Variants in XXYLT1 observed in about 807,000 individuals in gnomAD.
The protein encoded by XXYLT1 is xyloside xylosyltransferase 1.
XXYLT1 carries 20 observed loss-of-function variants against 28.9 expected under a neutral mutation model. The observed-to-expected ratio is 0.69, with a 90% CI of 0.49 to 1.00. XXYLT1 has a LOEUF of 1.00. XXYLT1 is among the 50% of genes least tolerant of loss of function. The pLI is 0.00. For missense variants in XXYLT1, 542 were observed against 560.1 expected (o/e 0.97, Z 0.33); for synonymous variants, 257 against 253.8 (o/e 1.01, Z -0.12).
At chr3:195,087,170 C>T (rs563294474) in intron 3 of XXYLT1, 96 of 152,504 alleles carry the variant, frequency 6.3e-4, no homozygotes, top group Non-Finnish European at 1.2e-3. Context: ...GCAGCAAACC[C>T]GCCTTTCCTG....
At position 195,256,499 on chromosome 3, in the gene XXYLT1, C is replaced by T. The variant is rs1725484528; in HGVS notation, c.504+14056G>A. 3.0e-6 allele frequency: 3 copies of T among 985,268 alleles called. No homozygotes were observed. In the South Asian group the frequency reaches 1.4e-4, roughly 46 times the overall value. The allele number at this position is 985,268 out of a possible 1,614,324, so 61.0% of individuals were successfully genotyped here. A position where few individuals can be genotyped will look rare whatever the true frequency, so the allele number is the denominator to read the frequency against. On this transcript the variant is annotated intron_variant, in intron 1 of 3. Coordinates refer to ENST00000310380, the MANE Select transcript of XXYLT1 (RefSeq NM_152531.5). This position sits in a 1 kb window ranked among gnomAD's most constrained non-coding sequence, Gnocchi z 4.2. Reference sequence around the variant, plus strand: ...GACGGAAGGGAAGTCAGCACGGAAGCCTCACCTAGGGTCATTCCAGGGATT... The same window carrying T: ...GACGGAAGGGAAGTCAGCACGGAAGTCTCACCTAGGGTCATTCCAGGGATT...
intron 1 of XXYLT1, among the ~76,000 whole-genome samples, chr3:195,232,190 A>G (rs1577176611): frequency 6.6e-6 from 1 of 152,200 alleles, no homozygotes; most frequent in South Asian, 2.1e-4. Flanking sequence ...CACAGTAGCC[A>G]CTAATGATCC....
intron 3 of XXYLT1, among the ~76,000 whole-genome samples, chr3:195,112,488 G>A (rs1717788728): frequency 9.7e-6 from 1 of 103,080 alleles, no homozygotes; most frequent in Non-Finnish European, 2.0e-5. Context: ...ACACACGCAT[G>A]GACACATGCA....
chr3:195,185,629 A>G (rs1026585483), intron 2 of XXYLT1, among the ~76,000 whole-genome samples: 1 of 150,442 alleles, frequency 6.6e-6, no homozygotes, highest in Non-Finnish European at 1.5e-5. Flanking sequence ...ACATTATTTT[A>G]GACTCTGAGG....
chr3:195,271,038 C>G lies in XXYLT1; in HGVS notation c.21G>C (p.Gly7=), dbSNP rs1318511627. 1 of 1,452,380 alleles carries G rather than the reference C, an allele frequency of 6.9e-7. No individual in the cohort carries two copies. The highest frequency in any genetic ancestry group is 1.5e-5 in the African/African-American group (1 of 67,674). The allele number at this position is 1,452,380 out of a possible 1,614,324, so 90.0% of individuals were successfully genotyped here. The change falls in exon 1 of 4, where the codon GGG becomes GGC. Residue 7 remains glycine (G), a synonymous_variant. Coordinates refer to ENST00000310380, the MANE Select transcript of XXYLT1 (RefSeq NM_152531.5). ...GCGCCATGGCCCGAGCGCATGGGAG[C>G]CCGCCTCGGAGGAGGCCCATGCGCT... MGLLRG[G]LPCARAMARL...
At chr3:195,220,555 C>T (rs781112236) in intron 2 of XXYLT1, among the ~76,000 whole-genome samples, 3 of 152,178 alleles carry the variant, frequency 2.0e-5, no homozygotes, top group Admixed American at 6.5e-5. Flanking sequence ...CAGCTCTGTC[C>T]GATCCTGAGC....
chr3:195,244,940 T>C (rs1724954353), intron 1 of XXYLT1, among the ~76,000 whole-genome samples: 1 of 144,922 alleles, frequency 6.9e-6, no homozygotes, highest in South Asian at 2.2e-4. Context: ...CCAAGGTGGG[T>C]GGATCACCTG....
intron 2 of XXYLT1, among the ~76,000 whole-genome samples, chr3:195,165,480 C>T (rs1721073786): frequency 1.3e-5 from 2 of 152,144 alleles, no homozygotes; most frequent in African/African-American, 2.4e-5. Context: ...AAAGAATGGC[C>T]CCACATCATC....
At chr3:195,085,477 C>T (rs149487900) in intron 3 of XXYLT1, among the ~76,000 whole-genome samples, 2 of 152,332 alleles carry the variant, frequency 1.3e-5, no homozygotes, top group East Asian at 3.9e-4. Context: ...AGCATGCCAG[C>T]GCATTTCACC....
chr3:195,158,107 C>T (rs1005889060), intron 2 of XXYLT1, among the ~76,000 whole-genome samples: 4 of 152,136 alleles, frequency 2.6e-5, no homozygotes, highest in South Asian at 2.1e-4. Context: ...GAGGAAGGGC[C>T]GTGCATTTAG....
rs1714668969 is a variant in XXYLT1, at chr3:195,069,439, C to T, written c.*276G>A. The T allele has an allele frequency of 2.3e-6, 1 of 425,642 alleles. No homozygotes were observed. The highest frequency in any genetic ancestry group is 5.7e-5 in the South Asian group (1 of 17,502). 26.4% of individuals were successfully genotyped at this position (425,642 alleles called of 1,614,324 possible). On this transcript the variant is annotated 3_prime_UTR_variant, in exon 4 of 4. Coordinates refer to ENST00000310380, the MANE Select transcript of XXYLT1 (RefSeq NM_152531.5). Reference sequence around the variant, plus strand: ...GGGGACCCTTTCTCCCCTTCCTTCTCTTCAAGTGCTTGCTTCCCAGCCCAC... The same window carrying T: ...GGGGACCCTTTCTCCCCTTCCTTCTTTTCAAGTGCTTGCTTCCCAGCCCAC...
chr3:195,122,449 GTAC>G (rs568839123), intron 3 of XXYLT1, among the ~76,000 whole-genome samples: 9 of 152,278 alleles, frequency 5.9e-5, no homozygotes, highest in African/African-American at 2.2e-4. Flanking sequence ...GTACTGAGTA[GTAC>G]TACTTGGTAG....
intron 2 of XXYLT1, among the ~76,000 whole-genome samples, chr3:195,187,815 G>C (rs1722267276): frequency 6.6e-6 from 1 of 152,196 alleles, no homozygotes; most frequent in South Asian, 2.1e-4. Flanking sequence ...TAACAAAGTT[G>C]TGCATTTGTA....
intron 3 of XXYLT1, among the ~76,000 whole-genome samples, chr3:195,105,156 T>G (rs552330235): frequency 3.9e-5 from 6 of 152,210 alleles, no homozygotes; most frequent in Non-Finnish European, 8.8e-5. Flanking sequence ...ACAAGAATGA[T>G]AAAACCACAA....
chr3:195,124,044 T>A lies in XXYLT1; in HGVS notation c.785+32405A>T, dbSNP rs938553384. ...GGACTTCTAGGAGCCTTTAGTGTGC[T>A]CCGTGAATCTAGAAGAGGGGGAATA... On this transcript the variant is annotated intron_variant, in intron 3 of 3. Transcript: ENST00000310380. This position sits in a 1 kb window ranked among gnomAD's most constrained non-coding sequence, Gnocchi z 4.1. 6.6e-5 allele frequency among the ~76,000 whole-genome samples: 10 copies of A among 152,228 alleles called. No individual in the cohort carries two copies. The highest frequency in any genetic ancestry group is 1.2e-4 in the Non-Finnish European group (8 of 68,038).
At chr3:195,228,347 C>A (rs1724145795) in intron 1 of XXYLT1, among the ~76,000 whole-genome samples, 1 of 152,126 alleles carries the variant, frequency 6.6e-6, no homozygotes, top group Non-Finnish European at 1.5e-5. Context: ...ACTCACCTTT[C>A]CCCTTTCCCT....
At chr3:195,098,157 G>A (rs775488930) in intron 3 of XXYLT1, among the ~76,000 whole-genome samples, 8 of 152,150 alleles carry the variant, frequency 5.3e-5, no homozygotes, top group African/African-American at 9.7e-5. Flanking sequence ...TATTGAATGG[G>A]TACAGGGTTT....
rs1255916498 is a variant in XXYLT1, at chr3:195,168,137, G to A, written c.653-11556C>T. On this transcript the variant is annotated intron_variant, in intron 2 of 3. Transcript: ENST00000310380. The surrounding 1 kb of genome is among the most constrained non-coding windows in gnomAD (Gnocchi z 4.3). ...AGCCGTGGCTCACCGGCCTGGCTAT[G>A]GCACTGCGTCCAACCATGGGCAAGC... Among the ~76,000 whole-genome samples the A allele has an allele frequency of 6.6e-6, 1 of 152,178 alleles. No individual in the cohort carries two copies. The highest frequency in any genetic ancestry group is 1.9e-4 in the East Asian group (1 of 5,196).
At chr3:195,090,264 C>A (rs1455327236) in intron 3 of XXYLT1, among the ~76,000 whole-genome samples, 1 of 151,568 alleles carries the variant, frequency 6.6e-6, no homozygotes, top group Non-Finnish European at 1.5e-5. Flanking sequence ...CAAAATTGAC[C>A]ACATACTTGG....
Sources: gnomAD v4.1 joint callset for allele counts (sites outside exome capture counted in the v4.1 genomes callset) on GRCh38, gnomAD v4.1.1 for gene constraint, Gnocchi (gnomAD v3.1) non-coding constraint, MANE v1.5 for transcripts, NCBI Gene and HGNC (gene_info 2026-07-23, HGNC 2026-07-21) for gene names.